Variants in SECISBP2L observed in about 807,000 individuals in gnomAD.
The protein encoded by SECISBP2L is selenocysteine insertion sequence-binding protein 2-like.
SECISBP2L carries 43 observed loss-of-function variants against 114.7 expected under a neutral mutation model. That is an observed-to-expected ratio of 0.38 (90% CI 0.29 to 0.48). The LOEUF is 0.48. Ranked by LOEUF, SECISBP2L falls within the 20% of genes least tolerant of loss-of-function variation. The probability of loss-of-function intolerance (pLI) is 0.98; values close to 1 mark genes in which losing one functional copy is unlikely to be tolerated. For missense variants in SECISBP2L, 1,136 were observed against 1,301.1 expected (o/e 0.87, Z 1.95); for synonymous variants, 451 against 439.7 (o/e 1.03, Z -0.32).
chr15:49,011,922 T>C (rs1391737802), intron 12 of SECISBP2L, 59 bp from the exon 13 acceptor site: 27 of 1,571,980 alleles, frequency 1.7e-5, no homozygotes, highest in Non-Finnish European at 2.1e-5. Context: ...GTACAAATGA[T>C]GACAATATAC....
chr15:49,028,670 T>C lies in SECISBP2L; in HGVS notation c.677A>G (p.Asp226Gly). 1.9e-6 allele frequency: 3 copies of C among 1,613,810 alleles called. No individual in the cohort carries two copies. The highest frequency in any genetic ancestry group is 1.7e-6 in the Non-Finnish European group (2 of 1,179,704). Reference protein sequence around the residue: ...DASQQTDFPSDIANKSLSETT... With the variant: ...DASQQTDFPSGIANKSLSETT... ...CTCTGAGAGAGACTTGTTAGCGATA[T>C]CTGATGGGAAATCTACAAAGGCAAG... Residue 226 changes from aspartate to glycine, a missense_variant, in exon 5 of 18, where the codon GAT becomes GGT. Around this residue, in one of 2 missense-constraint regions of SECISBP2L, gnomAD observed 452 missense variants for 452.3 expected, o/e 1.00. Coordinates refer to ENST00000559471, the MANE Select transcript of SECISBP2L (RefSeq NM_001193489.2).
rs928338093 is a variant in SECISBP2L, at chr15:49,046,202, A to G, written c.24+74T>C. The G allele has an allele frequency of 2.2e-5, 33 of 1,520,192 alleles. No individual in the cohort carries two copies. The African/African-American group carries it at 3.4e-4, about 16-fold the overall frequency. 94.2% of individuals were successfully genotyped at this position (1,520,192 alleles called of 1,614,324 possible). On this transcript the variant is annotated intron_variant, in intron 1 of 17. Coordinates refer to ENST00000559471, the MANE Select transcript of SECISBP2L (RefSeq NM_001193489.2). ...ACCGGCCCCCGGTCCCCACGTTCGG[A>G]GAACTGGGCCTGGCCTGTGAGGAAG...
intron 1 of SECISBP2L, 133 bp from the exon 2 acceptor site, chr15:49,037,902 A>G (rs1332333695): frequency 1.1e-5 from 6 of 570,304 alleles, no homozygotes; most frequent in Non-Finnish European, 1.4e-5. Flanking sequence ...AAAACATCCA[A>G]AAGGAAGAGC....
chr15:49,017,875 A>G, intron 8 of SECISBP2L: 1 of 316,674 alleles, frequency 3.2e-6, no homozygotes, highest in Non-Finnish European at 5.7e-6. Flanking sequence ...TTTCATTTTT[A>G]TTAATAATTC....
In SECISBP2L at chr15:49,001,011, T is replaced by C. The variant is rs1237503384; in HGVS notation, c.2114A>G (p.Tyr705Cys). The C allele has an allele frequency of 3.1e-6, 5 of 1,613,764 alleles. No individual in the cohort carries two copies. The highest frequency in any genetic ancestry group is 4.2e-6 in the Non-Finnish European group (5 of 1,179,894). Residue 705 changes from tyrosine (Y) to cysteine (C), a missense_variant, in exon 15 of 18, where the codon TAC becomes TGC. Physicochemically the swap from Tyr to Cys is radical, Grantham distance 194. Transcript: ENST00000559471. ...QELVSFQERI[Y>C]QKDPVRAKAR... The stretch of plus-strand genomic sequence containing the variant: ...TTTTGCTCTTACAGGATCTTTTTGG[T>C]AGATGCGTTCCTGGAAACTGACAAG...
In SECISBP2L at chr15:49,046,369, C is replaced by G; in HGVS notation, c.-70G>C. On this transcript the variant is annotated 5_prime_UTR_variant, in exon 1 of 18. Transcript: ENST00000559471. ...CGCCTCGGGCCGCTTTCTCCATGGC[C>G]CCCCGCTCGGGTCCAGACTGGGTTC... The G allele has an allele frequency of 2.9e-6, 4 of 1,403,068 alleles. No homozygotes were observed. The highest frequency in any genetic ancestry group is 3.7e-6 in the Non-Finnish European group (4 of 1,068,818). The allele number at this position is 1,403,068 out of a possible 1,614,324, so 86.9% of individuals were successfully genotyped here.
At chr15:49,040,599 A>G (rs931660784) in intron 1 of SECISBP2L, among the ~76,000 whole-genome samples, 5 of 125,834 alleles carry the variant, frequency 4.0e-5, no homozygotes, top group South Asian at 2.6e-4. Flanking sequence ...GCAGTGGCGC[A>G]ATCTCGGCTC....
intron 3 of SECISBP2L, among the ~76,000 whole-genome samples, chr15:49,033,761 G>A (rs374979858): frequency 1.2e-4 from 19 of 152,238 alleles, no homozygotes; most frequent in African/African-American, 2.2e-4. Flanking sequence ...GAGCCCAGGC[G>A]TTTGAGATTA....
At chr15:49,035,918 T>G (rs1902996820) in intron 2 of SECISBP2L, among the ~76,000 whole-genome samples, 2 of 152,218 alleles carry the variant, frequency 1.3e-5, no homozygotes, top group Non-Finnish European at 2.9e-5. Flanking sequence ...CAGCATTGTC[T>G]GTAACTCTGC....
intron 3 of SECISBP2L, among the ~76,000 whole-genome samples, chr15:49,033,316 C>T (rs1385116545): frequency 6.6e-6 from 1 of 152,092 alleles, no homozygotes; most frequent in East Asian, 1.9e-4. Context: ...CATATATACA[C>T]TTTTTCAAAT....
chr15:48,993,065 T>G lies in SECISBP2L; in HGVS notation c.2624-139A>C. The G allele has an allele frequency of 4.4e-6, 3 of 688,356 alleles. No individual in the cohort carries two copies. The South Asian group carries it at 5.7e-5, about 13-fold the overall frequency. 42.6% of individuals were successfully genotyped at this position (688,356 alleles called of 1,614,324 possible). A position where few individuals can be genotyped will look rare whatever the true frequency, so the allele number is the denominator to read the frequency against. ...GAAACTGACTGGAAAAACTACAAAT[T>G]TAGTTTATTTAGTACTAGTTTGAGA... On this transcript the variant is annotated intron_variant, in intron 17 of 17. Coordinates refer to ENST00000559471, the MANE Select transcript of SECISBP2L (RefSeq NM_001193489.2).
chr15:49,032,908 T>C, intron 4 of SECISBP2L, 57 bp downstream of exon 4: 2 of 1,589,176 alleles, frequency 1.3e-6, no homozygotes, highest in African/African-American at 1.4e-5. Flanking sequence ...AATTATAAAG[T>C]GAATGAATGA....
At chr15:48,993,862 A>T (rs991781318) in intron 17 of SECISBP2L, among the ~76,000 whole-genome samples, 2 of 152,078 alleles carry the variant, frequency 1.3e-5, no homozygotes, top group South Asian at 2.1e-4. Flanking sequence ...AAATTTTTTT[A>T]AAAAATAAAA....
At position 49,028,572 on chromosome 15, in the gene SECISBP2L, T is replaced by C. The variant is rs1902808902; in HGVS notation, c.775A>G (p.Ser259Gly). Residue 259 changes from serine (S) to glycine (G), a missense_variant, in exon 5 of 18, where the codon AGT becomes GGT. Around this residue, in one of 2 missense-constraint regions of SECISBP2L, gnomAD observed 452 missense variants for 452.3 expected, o/e 1.00. Coordinates refer to ENST00000559471, the MANE Select transcript of SECISBP2L (RefSeq NM_001193489.2). ...RASHPTAESS[S>G]EQGASEADID... ...TCGGCTTCACTAGCCCCCTGCTCAC[T>C]AGAAGATTCAGCAGTAGGGTGGGAT... The C allele has an allele frequency of 1.2e-6, 2 of 1,614,004 alleles. No individual in the cohort carries two copies. Among genetic ancestry groups the C allele is most frequent in the African/African-American group, 1.3e-5 (1 of 74,920 alleles).
At chr15:48,998,653 T>C (rs887539561) in intron 16 of SECISBP2L, among the ~76,000 whole-genome samples, 4 of 152,142 alleles carry the variant, frequency 2.6e-5, no homozygotes, top group Non-Finnish European at 4.4e-5. Context: ...AGGGTAAAGA[T>C]TGGAAGCTTA....
At position 48,992,666 on chromosome 15, in the gene SECISBP2L, C is replaced by T. The variant is rs1902007039; in HGVS notation, c.2884G>A (p.Gly962Ser). 20 of 1,614,174 alleles carry T rather than the reference C, an allele frequency of 1.2e-5. No homozygotes were observed. Among genetic ancestry groups the T allele is most frequent in the Non-Finnish European group, 1.7e-5 (20 of 1,180,040 alleles). Reference protein sequence around the residue: ...EWASQQSTETGSLDGSCRDLL... With the variant: ...EWASQQSTETSSLDGSCRDLL... Reference sequence around the variant, plus strand: ...TCTCGGCAACTGCCATCCAAAGAGCCAGTCTCTGTACTCTGCTGTGAGGCC... The same window carrying T: ...TCTCGGCAACTGCCATCCAAAGAGCTAGTCTCTGTACTCTGCTGTGAGGCC... Residue 962 changes from glycine to serine, a missense_variant, in exon 18 of 18, where the codon GGC (glycine) becomes AGC (serine). Physicochemically the swap from Gly to Ser is moderately conservative, Grantham distance 56 (BLOSUM62 0). Coordinates refer to ENST00000559471, the MANE Select transcript of SECISBP2L (RefSeq NM_001193489.2).
intron 17 of SECISBP2L, among the ~76,000 whole-genome samples, chr15:48,993,784 T>C (rs1308753811): frequency 6.6e-6 from 1 of 151,976 alleles, no homozygotes; most frequent in Non-Finnish European, 1.5e-5. Context: ...TTTCTCATGA[T>C]AGGAAATCAG....
At chr15:49,015,339 T>G (rs1902514744) in intron 11 of SECISBP2L, among the ~76,000 whole-genome samples, 1 of 152,202 alleles carries the variant, frequency 6.6e-6, no homozygotes. Flanking sequence ...CTCTAAAGCT[T>G]TATATACATT....
chr15:49,002,635 T>C (rs1902235056), intron 14 of SECISBP2L, among the ~76,000 whole-genome samples: 1 of 152,204 alleles, frequency 6.6e-6, no homozygotes, highest in South Asian at 2.1e-4. Context: ...TTGTATAAGG[T>C]GTAAGAAAGG....
Sources: gnomAD v4.1 joint callset for allele counts (sites outside exome capture counted in the v4.1 genomes callset) on GRCh38, gnomAD v4.1.1 for gene constraint, gnomAD v4.1.1 regional missense constraint, MANE v1.5 for transcripts, NCBI Gene and HGNC (gene_info 2026-07-23, HGNC 2026-07-21) for gene names.